FNBP4: variants seen among roughly 807,000 people sequenced by gnomAD.
FNBP4 encodes the protein formin-binding protein 4.
In FNBP4, 34 loss-of-function variants were observed where a neutral mutation model predicts 119.3. The ratio of observed to expected loss-of-function variants is 0.28; its 90% CI spans 0.22 to 0.38. FNBP4 has a LOEUF of 0.38. Ranked by LOEUF, FNBP4 falls within the 10% of genes least tolerant of loss-of-function variation. The pLI is 1.00. For missense variants in FNBP4, 1,112 were observed against 1,228.9 expected, an observed-to-expected ratio of 0.90 and a Z score of 1.42; for synonymous variants, 462 against 430.6, an observed-to-expected ratio of 1.07 and a Z score of -0.90.
At position 47,751,005 on chromosome 11, in the gene FNBP4, C is replaced by T. The variant is rs1418906643; in HGVS notation, c.817G>A (p.Val273Ile). ...TCCTTAGAATATATGTCTGTATTTA[C>T]CACAAAACTAGTTTCAGCACCTGGC... ...SVPGAETSFV[V>I]NTDIYSKEKT... Residue 273 changes from valine (V) to isoleucine (I), a missense_variant, in exon 6 of 17, where the codon GTA (valine) becomes ATA (isoleucine). Val to Ile is a conservative substitution (Grantham distance 29). Coordinates refer to ENST00000263773, the MANE Select transcript of FNBP4 (RefSeq NM_015308.5). 6.2e-7 allele frequency: 1 copy of T among 1,613,952 alleles called. No homozygotes were observed. Among genetic ancestry groups the T allele is most frequent in the Admixed American group, 1.7e-5 (1 of 59,970 alleles).
At chr11:47,725,890 C>T (rs2097560412) in intron 12 of FNBP4, 2 of 650,142 alleles carry the variant, frequency 3.1e-6, no homozygotes, top group South Asian at 1.4e-4. Flanking sequence ...TCTATTTCAA[C>T]CTCCTCAGTT....
intron 1 of FNBP4, 74 bp from the exon 2 acceptor site, chr11:47,765,436 A>G (rs1359033179): frequency 2.0e-6 from 2 of 997,090 alleles, no homozygotes; most frequent in Non-Finnish European, 3.0e-6. Flanking sequence ...CAGATTCCAG[A>G]CCAGAGAAAA....
intron 8 of FNBP4, among the ~76,000 whole-genome samples, chr11:47,742,476 T>TGAAAAAAAAAA (rs1322071518): frequency 2.8e-4 from 1 of 3,620 alleles, no homozygotes; most frequent in Non-Finnish European, 8.1e-4. Context: ...AGACTCCGTC[T>TGAAAAAAAAAA]CAAAAAAAAA....
rs1401184378 is a variant in FNBP4, at chr11:47,767,114, T to G, written c.175A>C (p.Thr59Pro). The change falls in exon 1 of 17, where the codon ACC (threonine) becomes CCC (proline). Residue 59 changes from threonine (T) to proline (P), a missense_variant. This residue lies in a region of FNBP4 where 286 missense variants were observed against 240.1 expected (regional missense o/e 1.19). Transcript: ENST00000263773. ...PAPSAATTTTTAVTAAAASDD... is the reference protein window; with the variant it reads ...PAPSAATTTTPAVTAAAASDD... ...GAGGCCGCGGCGGCAGTCACCGCGG[T>G]GGTGGTGGTCGTCGCCGCCGACGGG... The G allele has an allele frequency of 1.9e-6, 1 of 518,582 alleles. No homozygotes were observed. The highest frequency in any genetic ancestry group is 2.8e-6 in the Non-Finnish European group (1 of 351,316). 32.1% of individuals were successfully genotyped at this position (518,582 alleles called of 1,614,324 possible).
chr11:47,724,806 A>G, intron 12 of FNBP4, 28 bp from the exon 13 acceptor site: 2 of 1,520,656 alleles, frequency 1.3e-6, no homozygotes, highest in African/African-American at 2.8e-5. Flanking sequence ...AGTCAGGGAA[A>G]AAGCAAGAAA....
At chr11:47,757,900 C>A (rs1168747403) in intron 2 of FNBP4, among the ~76,000 whole-genome samples, 1 of 152,154 alleles carries the variant, frequency 6.6e-6, no homozygotes, top group Non-Finnish European at 1.5e-5. Flanking sequence ...TCCTCAAACT[C>A]CTGGCCTCAA....
intron 15 of FNBP4, among the ~76,000 whole-genome samples, chr11:47,720,569 AAAATAAAT>A (rs57442336): frequency 4.0e-5 from 6 of 149,196 alleles, no homozygotes; most frequent in African/African-American, 4.9e-5. Context: ...CCGTCTCAAA[AAAATAAAT>A]AAATAAATAA....
At chr11:47,733,091 C>A (rs2097569370) in intron 10 of FNBP4, among the ~76,000 whole-genome samples, 1 of 152,212 alleles carries the variant, frequency 6.6e-6, no homozygotes, top group African/African-American at 2.4e-5. Flanking sequence ...GCACTCCAGC[C>A]TGGGCGACAA....
At chr11:47,724,911 G>A (rs1378093983) in intron 12 of FNBP4, 133 bp from the exon 13 acceptor site, 2 of 1,318,104 alleles carry the variant, frequency 1.5e-6, no homozygotes, top group South Asian at 1.9e-5. Context: ...AATACAGAAT[G>A]TGGTGTCAAA....
chr11:47,719,576 ATGTGTGTGTGTG>A (rs66711141), intron 16 of FNBP4, among the ~76,000 whole-genome samples: 193 of 147,796 alleles, frequency 1.3e-3, no homozygotes, highest in Middle Eastern at 3.4e-3. Flanking sequence ...TTATGTGTGT[ATGTGTGTGTGTG>A]TGTGTGTGTG....
At chr11:47,745,660 T>C (rs548468184) in intron 7 of FNBP4, among the ~76,000 whole-genome samples, 6 of 152,172 alleles carry the variant, frequency 3.9e-5, no homozygotes, top group African/African-American at 1.4e-4. Context: ...TTACACCTCC[T>C]CCCCTTTTGA....
At chr11:47,752,150 G>A (rs190174183) in intron 4 of FNBP4, among the ~76,000 whole-genome samples, 12 of 152,170 alleles carry the variant, frequency 7.9e-5, no homozygotes, top group South Asian at 2.1e-4. Flanking sequence ...GAGGTTGGGC[G>A]CGGTGGCTCA....
chr11:47,729,626 C>T (rs2097565177), intron 12 of FNBP4: 3 of 950,148 alleles, frequency 3.2e-6, no homozygotes, highest in Non-Finnish European at 3.8e-6. Flanking sequence ...CTTCCCACCT[C>T]AACCTCCCAA....
chr11:47,745,961 A>G, intron 7 of FNBP4, 95 bp downstream of exon 7: 1 of 1,150,550 alleles, frequency 8.7e-7, no homozygotes, highest in Admixed American at 2.5e-5. Flanking sequence ...GATAAGAAAA[A>G]CAAAATCCCA....
Position 47,756,643 on chromosome 11 carries a change from C to T in FNBP4, c.314-1979G>A, listed in dbSNP as rs141066203. Among the ~76,000 whole-genome samples the T allele has an allele frequency of 5.8e-3, 875 of 151,856 alleles. 6 individuals are homozygous for T. Among genetic ancestry groups the T allele is most frequent in the Non-Finnish European group, 8.6e-3 (588 of 67,978 alleles). On this transcript the variant is annotated intron_variant, in intron 2 of 16. Transcript: ENST00000263773. ...CATGTACTATGTTGGTGTGCTGCAC[C>T]CATTAACTCATCATTAACATTAGGT...
At chr11:47,759,202 G>T (rs7927445) in intron 2 of FNBP4, among the ~76,000 whole-genome samples, 33,522 of 128,124 alleles carry the variant, frequency 0.26, 4,757 homozygotes, top group South Asian at 0.52. Context: ...TTACAGGTGT[G>T]AGACCTGCGC....
intron 9 of FNBP4, among the ~76,000 whole-genome samples, chr11:47,734,980 C>CT (rs1378394324): frequency 2.9e-5 from 3 of 102,344 alleles, no homozygotes; most frequent in Non-Finnish European, 4.4e-5. Flanking sequence ...ACCCCAACAC[C>CT]CCCCCCCCCA....
intron 8 of FNBP4, among the ~76,000 whole-genome samples, chr11:47,743,664 C>G (rs571945822): frequency 2.6e-5 from 4 of 152,242 alleles, no homozygotes; most frequent in African/African-American, 9.6e-5. Flanking sequence ...CACAATCAAA[C>G]TCTCTACCCA....
At chr11:47,739,731 A>G (rs1280255876) in intron 8 of FNBP4, among the ~76,000 whole-genome samples, 2 of 152,210 alleles carry the variant, frequency 1.3e-5, no homozygotes, top group Admixed American at 6.5e-5. Context: ...TCAAAGCTGC[A>G]TTATGATTAT....
Sources: allele counts gnomAD v4.1 joint callset (sites outside exome capture counted in the v4.1 genomes callset), GRCh38; gene constraint gnomAD v4.1.1; regional missense constraint gnomAD v4.1.1; transcripts MANE v1.5; gene names NCBI Gene and HGNC (gene_info 2026-07-23, HGNC 2026-07-21).